MED12L: variants seen among roughly 807,000 people sequenced by gnomAD.
MED12L encodes the protein mediator complex subunit 12L.
Under a neutral mutation model 281.3 loss-of-function variants are expected in MED12L, and 60 were observed. That is an observed-to-expected ratio of 0.21 (90% CI 0.17 to 0.26). The LOEUF (loss-of-function observed/expected upper bound fraction) is 0.26. MED12L is among the 10% of genes least tolerant of loss of function. The pLI, the probability that MED12L is intolerant of heterozygous loss-of-function variation, is 1.00. For missense variants in MED12L, 2,146 were observed against 2,680.9 expected, an observed-to-expected ratio of 0.80 and a Z score of 4.41; for synonymous variants, 974 against 987.2, an observed-to-expected ratio of 0.99 and a Z score of 0.25.
intron 25 of MED12L, 44 bp downstream of exon 25, chr3:151,368,295 C>T: frequency 6.6e-7 from 1 of 1,524,844 alleles, no homozygotes; most frequent in Non-Finnish European, 9.1e-7. Flanking sequence ...TCATTGGTAG[C>T]TAAAGTTTCT....
chr3:151,130,112 C>T (rs952542882), intron 5 of MED12L, among the ~76,000 whole-genome samples: 3 of 152,126 alleles, frequency 2.0e-5, no homozygotes, highest in African/African-American at 7.2e-5. Flanking sequence ...CCTGGATATC[C>T]AATTGCTTAC....
chr3:151,103,025 CTG>C (rs1280575364), intron 2 of MED12L, among the ~76,000 whole-genome samples: 1 of 152,162 alleles, frequency 6.6e-6, no homozygotes, highest in East Asian at 1.9e-4. Flanking sequence ...GTTAAGTACT[CTG>C]TGAAAAATGA....
At chr3:151,407,660 C>G (rs1190177292) in intron 39 of MED12L, among the ~76,000 whole-genome samples, 1 of 152,176 alleles carries the variant, frequency 6.6e-6, no homozygotes, top group Admixed American at 6.5e-5. Flanking sequence ...CTATATTTCT[C>G]TAACCCAAGC....
chr3:151,333,907 G>T (rs887009140), intron 16 of MED12L, among the ~76,000 whole-genome samples: 1 of 150,076 alleles, frequency 6.7e-6, no homozygotes, highest in Non-Finnish European at 1.5e-5. Context: ...GTGAAACCCC[G>T]TCTCTACTAA....
chr3:151,246,661 A>G (rs2149419560), intron 16 of MED12L, among the ~76,000 whole-genome samples: 1 of 152,348 alleles, frequency 6.6e-6, no homozygotes, highest in Admixed American at 6.5e-5. Flanking sequence ...CTACAACCAT[A>G]AAAACCCTAG....
chr3:151,239,568 T>C (rs184002638), intron 16 of MED12L, among the ~76,000 whole-genome samples: 8 of 152,354 alleles, frequency 5.3e-5, no homozygotes, highest in Non-Finnish European at 7.3e-5. Flanking sequence ...ATAAAAATGT[T>C]ACTTGTGTTA....
chr3:151,247,461 A>G (rs900316821), intron 16 of MED12L, among the ~76,000 whole-genome samples: 1 of 151,864 alleles, frequency 6.6e-6, no homozygotes, highest in Admixed American at 6.6e-5. Flanking sequence ...TGTCCTTTGT[A>G]GGGACATGGA....
intron 40 of MED12L, among the ~76,000 whole-genome samples, chr3:151,410,486 A>T (rs1382787169): frequency 2.0e-5 from 3 of 152,324 alleles, no homozygotes; most frequent in African/African-American, 4.8e-5. Context: ...CTACCTGAAA[A>T]TGTGCTTTGA....
rs1350465721 is a variant in MED12L, at chr3:151,397,781, AT to A, written c.5820+2920del. ...GGACTAATAATATAGTTACTTTTTCATTTTTTGGCTTCTTGTAGAGAAAAGT... is the reference window on the plus strand; with the variant it reads ...GGACTAATAATATAGTTACTTTTTCATTTTTGGCTTCTTGTAGAGAAAAGT... On this transcript the variant is annotated intron_variant, in intron 39 of 44. Coordinates refer to ENST00000687756, the MANE Select transcript of MED12L (RefSeq NM_001393769.1). Among the ~76,000 whole-genome samples the A allele has an allele frequency of 8.5e-5, 13 of 152,202 alleles. 2 individuals are homozygous for A. In the South Asian group the frequency reaches 2.1e-3, roughly 24 times the overall value.
chr3:151,183,899 G>T (rs757913778), intron 11 of MED12L, among the ~76,000 whole-genome samples: 5 of 152,088 alleles, frequency 3.3e-5, no homozygotes, highest in Non-Finnish European at 7.4e-5. Flanking sequence ...GTATTTTTAG[G>T]GTAACTCTTT....
rs1577500547 is a variant in MED12L at position 151,378,634 on chromosome 3, A to G, written c.4478+461A>G. Among the ~76,000 whole-genome samples, 3 of 152,136 alleles carry G rather than the reference A, an allele frequency of 2.0e-5. No homozygotes were observed. In the South Asian group the frequency reaches 6.2e-4, roughly 31 times the overall value. ...GACTAGACATTAAGACTCCTCGGCCACCACAACTAATGTTTTCTTAATTTA... is the reference window on the plus strand; with the variant it reads ...GACTAGACATTAAGACTCCTCGGCCGCCACAACTAATGTTTTCTTAATTTA... On this transcript the variant is annotated intron_variant, in intron 31 of 44. Transcript: ENST00000687756.
intron 11 of MED12L, among the ~76,000 whole-genome samples, chr3:151,175,015 T>G (rs956093776): frequency 2.0e-5 from 3 of 152,242 alleles, no homozygotes; most frequent in East Asian, 1.9e-4. Context: ...GTATAAAGAT[T>G]ATAAAAAATG....
intron 2 of MED12L, among the ~76,000 whole-genome samples, chr3:151,109,005 A>T (rs1312947305): frequency 6.6e-6 from 1 of 152,216 alleles, no homozygotes; most frequent in African/African-American, 2.4e-5. Context: ...AGTTCAAGGT[A>T]AATGCATGAG....
chr3:151,251,348 C>G (rs926654487), intron 16 of MED12L, among the ~76,000 whole-genome samples: 1 of 152,122 alleles, frequency 6.6e-6, no homozygotes, highest in African/African-American at 2.4e-5. Flanking sequence ...TCTGTCTCAT[C>G]CATTCCTAGC....
chr3:151,435,933 A>C lies in MED12L; in HGVS notation c.*3129A>C, dbSNP rs558598242. The C allele has an allele frequency of 2.0e-5, 3 of 152,096 alleles. No homozygotes were observed. Among genetic ancestry groups the C allele is most frequent in the African/African-American group, 7.2e-5 (3 of 41,398 alleles). The allele number at this position is 152,096 out of a possible 1,614,324, so 9.4% of individuals were successfully genotyped here. ...TTCCTGCTCAGAAAAATTTCCTTAT[A>C]AACAGCTCCAAACCAGGGGTGCCTG... On this transcript the variant is annotated 3_prime_UTR_variant, in exon 45 of 45. Transcript: ENST00000687756.
At chr3:151,344,201 CTA>C (rs1436011944) in intron 16 of MED12L, among the ~76,000 whole-genome samples, 1 of 151,798 alleles carries the variant, frequency 6.6e-6, no homozygotes, top group Non-Finnish European at 1.5e-5. Flanking sequence ...ATACTGTGGA[CTA>C]TAAGCTGTGT....
intron 16 of MED12L, among the ~76,000 whole-genome samples, chr3:151,239,166 T>G (rs1187268923): frequency 1.3e-5 from 2 of 152,238 alleles, no homozygotes; most frequent in African/African-American, 4.8e-5. Context: ...AATTTCTGCA[T>G]GAATGTATTT....
At chr3:151,086,774 C>T (rs543970294) in intron 1 of MED12L, 24 bp from the exon 2 acceptor site, 3 of 596,608 alleles carry the variant, frequency 5.0e-6, no homozygotes, top group Non-Finnish European at 8.8e-6. Flanking sequence ...AGCATCCAAC[C>T]TGCTTTATTC....
intron 16 of MED12L, among the ~76,000 whole-genome samples, chr3:151,250,111 G>A (rs1208337541): frequency 6.6e-6 from 1 of 152,104 alleles, no homozygotes; most frequent in South Asian, 2.1e-4. Context: ...GAAATGGTCT[G>A]CGTTTGCTGT....
Sources: allele counts gnomAD v4.1 joint callset (sites outside exome capture counted in the v4.1 genomes callset), GRCh38; gene constraint gnomAD v4.1.1; transcripts MANE v1.5; gene names NCBI Gene and HGNC (gene_info 2026-07-23, HGNC 2026-07-21).